ADRA1B: variants seen among roughly 807,000 people sequenced by gnomAD.
ADRA1B encodes adrenoceptor alpha 1B.
In ADRA1B, 17 loss-of-function variants were observed where a neutral mutation model predicts 17.9. The ratio of observed to expected loss-of-function variants is 0.95; its 90% CI spans 0.65 to 1.42. ADRA1B has a LOEUF of 1.42. Among genes scored for constraint, ADRA1B ranks in the 40% most tolerant of loss-of-function variants. ADRA1B has a pLI of 0.00. For missense variants in ADRA1B, 681 were observed against 722.1 expected (o/e 0.94, Z 0.65); for synonymous variants, 366 against 327.6 (o/e 1.12, Z -1.27).
chr5:159,972,034 GGCCGCGGCC>G lies in ADRA1B; in HGVS notation c.1111_1119del (p.Gly371_Arg373del), dbSNP rs752400706. 2.1e-6 allele frequency: 3 copies of G among 1,398,896 alleles called. No homozygotes were observed. The highest frequency in any genetic ancestry group is 1.5e-5 in the African/African-American group (1 of 66,732). The allele number at this position is 1,398,896 out of a possible 1,614,324, so 86.7% of individuals were successfully genotyped here. A position where few individuals can be genotyped will look rare whatever the true frequency, so the allele number is the denominator to read the frequency against. On this transcript the variant is annotated inframe_deletion, in exon 2 of 2. Transcript: ENST00000306675. ...GCGCATCCTCGGGTGCCAGTGCCGC[GGCCGCGGCC>G]GCCGCCGACGCCGCCGCCGCCGTCG...
intron 1 of ADRA1B, among the ~76,000 whole-genome samples, chr5:159,874,290 A>G (rs1753780066): frequency 6.6e-6 from 1 of 152,102 alleles, no homozygotes; most frequent in Non-Finnish European, 1.5e-5. Flanking sequence ...CACCACCAAC[A>G]TACACATATT....
chr5:159,960,097 T>C (rs1032969521), intron 1 of ADRA1B, among the ~76,000 whole-genome samples: 1 of 152,102 alleles, frequency 6.6e-6, no homozygotes, highest in African/African-American at 2.4e-5. Context: ...CATTAATAGG[T>C]CGGGTGTGTA....
intron 1 of ADRA1B, among the ~76,000 whole-genome samples, chr5:159,934,673 C>A (rs1233283046): frequency 6.6e-6 from 1 of 152,094 alleles, no homozygotes; most frequent in East Asian, 1.9e-4. Context: ...GGTATGGTGG[C>A]AGGCACCTGT....
At chr5:159,946,601 C>T (rs1755280260) in intron 1 of ADRA1B, among the ~76,000 whole-genome samples, 1 of 152,204 alleles carries the variant, frequency 6.6e-6, no homozygotes, top group Non-Finnish European at 1.5e-5. Context: ...TTTTTCTAAA[C>T]CAAAAGTTGC....
intron 1 of ADRA1B, among the ~76,000 whole-genome samples, chr5:159,895,852 C>T (rs1209607775): frequency 6.6e-6 from 1 of 152,224 alleles, no homozygotes; most frequent in Non-Finnish European, 1.5e-5. Context: ...TGAGGTGGCT[C>T]ATGCCTGTAA....
At chr5:159,965,845 A>ATT (rs1488046591) in intron 1 of ADRA1B, among the ~76,000 whole-genome samples, 4 of 151,296 alleles carry the variant, frequency 2.6e-5, no homozygotes, top group African/African-American at 9.7e-5. Flanking sequence ...TTATTTATTT[A>ATT]TTTATTTTTT....
intron 1 of ADRA1B, among the ~76,000 whole-genome samples, chr5:159,908,057 C>A (rs528523090): frequency 6.6e-6 from 1 of 151,968 alleles, no homozygotes; most frequent in East Asian, 1.9e-4. Flanking sequence ...GGTCTCCCAC[C>A]CTTCTTGGAA....
chr5:159,878,211 T>C (rs554249764), intron 1 of ADRA1B, among the ~76,000 whole-genome samples: 2 of 152,312 alleles, frequency 1.3e-5, no homozygotes, highest in Non-Finnish European at 2.9e-5. Flanking sequence ...GCAGCAGCTG[T>C]TACCTAGGCT....
At chr5:159,892,732 C>T (rs976871510) in intron 1 of ADRA1B, among the ~76,000 whole-genome samples, 1 of 152,132 alleles carries the variant, frequency 6.6e-6, no homozygotes, top group African/African-American at 2.4e-5. Context: ...TTCAGTCTAT[C>T]ATTGATGGGC....
chr5:159,901,900 G>A (rs1000369707), intron 1 of ADRA1B, among the ~76,000 whole-genome samples: 1 of 152,106 alleles, frequency 6.6e-6, no homozygotes, highest in African/African-American at 2.4e-5. Context: ...ACTGTTGGTG[G>A]GATTGTAAAG....
Position 159,917,032 on chromosome 5 carries a change from A to G in ADRA1B, c.127A>G (p.Thr43Ala). 6.2e-7 allele frequency: 1 copy of G among 1,614,008 alleles called. No individual in the cohort carries two copies. The highest frequency in any genetic ancestry group is 8.5e-7 in the Non-Finnish European group (1 of 1,180,002). Reference protein sequence around the residue: ...SNSTLPQLDITRAISVGLVLG... With the variant: ...SNSTLPQLDIARAISVGLVLG... ...CTCCACACTGCCCCAGCTGGACATC[A>G]CCAGGGCCATCTCTGTGGGCCTGGT... The change falls in exon 1 of 2, where the codon ACC (threonine) becomes GCC (alanine). Residue 43 changes from threonine (T) to alanine (A), a missense_variant. Physicochemically the swap from Thr to Ala is moderately conservative, Grantham distance 58 (BLOSUM62 0). Transcript: ENST00000306675.
intron 1 of ADRA1B, among the ~76,000 whole-genome samples, chr5:159,923,827 C>A (rs1225053002): frequency 6.6e-6 from 1 of 152,250 alleles, no homozygotes; most frequent in Non-Finnish European, 1.5e-5. Flanking sequence ...TTAATTTTAA[C>A]AAGTTTCCCA....
In ADRA1B at chr5:159,917,645, A is replaced by C. The variant is rs1003066551; in HGVS notation, c.740A>C (p.Asn247Thr). 10 of 1,613,732 alleles carry C rather than the reference A, an allele frequency of 6.2e-6. No individual in the cohort carries two copies. The highest frequency in any genetic ancestry group is 8.5e-6 in the Non-Finnish European group (10 of 1,179,982). The stretch of plus-strand genomic sequence containing the variant: ...GCAGGAGTCATGAAGGAGATGTCCA[A>C]CTCCAAGGAGCTGACCCTGAGGATC... Reference protein sequence around the residue: ...LEAGVMKEMSNSKELTLRIHS... With the variant: ...LEAGVMKEMSTSKELTLRIHS... The change falls in exon 1 of 2, where the codon AAC (asparagine) becomes ACC (threonine). Residue 247 changes from asparagine (N) to threonine (T), a missense_variant. By Grantham distance (65) the Asn-to-Thr change is moderately conservative. This residue lies in a region of ADRA1B where 424 missense variants were observed against 480.2 expected (regional missense o/e 0.88). Transcript: ENST00000306675.
chr5:159,940,108 G>A (rs1290328669), intron 1 of ADRA1B, among the ~76,000 whole-genome samples: 4 of 152,336 alleles, frequency 2.6e-5, no homozygotes, highest in African/African-American at 9.6e-5. Flanking sequence ...GAAAAAGATC[G>A]ATTCCAATGT....
chr5:159,915,869 C>T (rs1754287363), upstream of ADRA1B, among the ~76,000 whole-genome samples: 1 of 152,094 alleles, frequency 6.6e-6, no homozygotes, highest in South Asian at 2.1e-4. Flanking sequence ...GGCAGGAGTC[C>T]GTCTATTTTG....
At chr5:159,970,484 G>A (rs184133905) in intron 1 of ADRA1B, among the ~76,000 whole-genome samples, 20 of 152,298 alleles carry the variant, frequency 1.3e-4, no homozygotes, top group African/African-American at 4.8e-4. Flanking sequence ...TTCCCAGGGA[G>A]GGACATCCAG....
At chr5:159,881,929 G>A (rs531949092) in intron 1 of ADRA1B, among the ~76,000 whole-genome samples, 9 of 152,246 alleles carry the variant, frequency 5.9e-5, no homozygotes, top group South Asian at 4.1e-4. Context: ...TGGGTGTCCC[G>A]AAAAGGGCTC....
the ADRA1B span, among the ~76,000 whole-genome samples, chr5:159,983,069 G>A: frequency 6.6e-6 from 1 of 152,204 alleles, no homozygotes. Flanking sequence ...AGGGATTGAT[G>A]AGGACGCACC....
At chr5:159,909,610 T>G (rs1481223959) in intron 1 of ADRA1B, among the ~76,000 whole-genome samples, 2 of 152,254 alleles carry the variant, frequency 1.3e-5, no homozygotes, top group Non-Finnish European at 2.9e-5. Flanking sequence ...CACAATTCTC[T>G]ATGCATCCTC....
Sources: allele counts gnomAD v4.1 joint callset (sites outside exome capture counted in the v4.1 genomes callset), GRCh38; gene constraint gnomAD v4.1.1; regional missense constraint gnomAD v4.1.1; transcripts MANE v1.5; gene names NCBI Gene and HGNC (gene_info 2026-07-23, HGNC 2026-07-21).